CPSF3: variants seen among roughly 807,000 people sequenced by gnomAD.
CPSF3 encodes the protein cleavage and polyadenylation specificity factor subunit 3.
In CPSF3, 57 loss-of-function variants were observed where a neutral mutation model predicts 84.1. The observed-to-expected ratio is 0.68, with a 90% CI of 0.55 to 0.85. The LOEUF is 0.85. Among genes scored for constraint, CPSF3 ranks in the 40% least tolerant of loss-of-function variants. CPSF3 has a pLI of 0.00. For missense variants in CPSF3, 522 were observed against 838.8 expected (o/e 0.62, Z 4.66); for synonymous variants, 275 against 278.1 (o/e 0.99, Z 0.11).
chr2:9,461,743 CTT>C (rs530424404), intron 15 of CPSF3, among the ~76,000 whole-genome samples: 31,113 of 105,256 alleles, frequency 0.3, 4,831 homozygotes, highest in Non-Finnish European at 0.39. Flanking sequence ...GAAGGAGGAT[CTT>C]TTTTTTTTTT....
At chr2:9,427,717 C>T (rs1218930480) in intron 1 of CPSF3, among the ~76,000 whole-genome samples, 1 of 152,056 alleles carries the variant, frequency 6.6e-6, no homozygotes, top group Non-Finnish European at 1.5e-5. Flanking sequence ...ATGTCCTAGG[C>T]ACTTAATCCA....
At chr2:9,433,527 G>C (rs969600704) in intron 5 of CPSF3, among the ~76,000 whole-genome samples, 2 of 152,156 alleles carry the variant, frequency 1.3e-5, no homozygotes, top group Non-Finnish European at 2.9e-5. Flanking sequence ...TTTATCTCCG[G>C]TTTTAGACCA....
chr2:9,444,093 A>C (rs1681043500), intron 10 of CPSF3, among the ~76,000 whole-genome samples: 1 of 150,640 alleles, frequency 6.6e-6, no homozygotes, highest in Non-Finnish European at 1.5e-5. Context: ...ACATATCTAA[A>C]GCACTTAATA....
intron 8 of CPSF3, 50 bp downstream of exon 8, chr2:9,440,716 TTAG>T: frequency 1.9e-6 from 3 of 1,589,028 alleles, no homozygotes; most frequent in Non-Finnish European, 2.6e-6. Flanking sequence ...AAATCAGTCA[TTAG>T]TAGTAGGAGG....
intron 12 of CPSF3, among the ~76,000 whole-genome samples, chr2:9,455,135 C>CTTT (rs5829212): frequency 1.5e-5 from 2 of 135,538 alleles, no homozygotes; most frequent in African/African-American, 2.7e-5. Flanking sequence ...ACATGAGGTG[C>CTTT]TTTTTTTTTT....
chr2:9,449,982 A>G (rs1456522144), intron 11 of CPSF3, among the ~76,000 whole-genome samples: 1 of 151,924 alleles, frequency 6.6e-6, no homozygotes, highest in Non-Finnish European at 1.5e-5. Flanking sequence ...TTGAAGAGAT[A>G]TGTGCAACTC....
chr2:9,461,572 AG>A (rs780621689), intron 15 of CPSF3, among the ~76,000 whole-genome samples: 42 of 151,746 alleles, frequency 2.8e-4, no homozygotes, highest in Non-Finnish European at 4.3e-4. Context: ...CAGGAGGCTG[AG>A]GGGCGAAAAT....
chr2:9,437,065 T>C (rs1427527149), intron 7 of CPSF3, among the ~76,000 whole-genome samples: 2 of 152,178 alleles, frequency 1.3e-5, no homozygotes, highest in Non-Finnish European at 2.9e-5. Flanking sequence ...TTACATACTT[T>C]GCACATAATA....
intron 16 of CPSF3, among the ~76,000 whole-genome samples, chr2:9,470,066 T>C (rs991111269): frequency 4.6e-5 from 7 of 151,856 alleles, no homozygotes; most frequent in African/African-American, 1.5e-4. Context: ...CTACTAAAAA[T>C]ACAAAAATGA....
At position 9,459,543 on chromosome 2, in the gene CPSF3, C is replaced by A; in HGVS notation, c.1711C>A (p.Pro571Thr). 3.1e-6 allele frequency: 5 copies of A among 1,611,924 alleles called. No homozygotes were observed. Among genetic ancestry groups the A allele is most frequent in the Non-Finnish European group, 4.2e-6 (5 of 1,178,596 alleles). ...TTTTGCTTTCCAGTGGCTGGCAAAC[C>A]CTTCTAATGATATGTATGCAGATAC... The part of the protein sequence containing the change: ...GMVVLEWLAN[P>T]SNDMYADTVT... The change falls in exon 15 of 18, where the codon CCT becomes ACT. Residue 571 changes from proline (P) to threonine (T), a missense_variant. Coordinates refer to ENST00000238112, the MANE Select transcript of CPSF3 (RefSeq NM_016207.4).
At chr2:9,440,795 C>T in intron 8 of CPSF3, 129 bp downstream of exon 8, 1 of 840,122 alleles carries the variant, frequency 1.2e-6, no homozygotes, top group Admixed American at 2.4e-5. Flanking sequence ...GCAGGAGGAT[C>T]ACTAGAACTC....
intron 8 of CPSF3, among the ~76,000 whole-genome samples, chr2:9,440,908 C>T (rs746995821): frequency 1.3e-5 from 2 of 152,222 alleles, no homozygotes; most frequent in Non-Finnish European, 2.9e-5. Flanking sequence ...CTGAATTCCT[C>T]TTGCTGGAGT....
At chr2:9,468,200 TTAAAC>T (rs1401588386) in intron 16 of CPSF3, among the ~76,000 whole-genome samples, 8 of 152,218 alleles carry the variant, frequency 5.3e-5, no homozygotes, top group Non-Finnish European at 7.3e-5. Flanking sequence ...TGAATTAACT[TTAAAC>T]TAAGTATTTC....
intron 11 of CPSF3, among the ~76,000 whole-genome samples, chr2:9,452,264 G>C (rs1681358212): frequency 6.6e-6 from 1 of 151,300 alleles, no homozygotes; most frequent in Non-Finnish European, 1.5e-5. Context: ...GGGAGGCAGA[G>C]GTTGCAGTGA....
chr2:9,447,625 A>C (rs1572786789), intron 10 of CPSF3, among the ~76,000 whole-genome samples: 1 of 152,000 alleles, frequency 6.6e-6, no homozygotes, highest in African/African-American at 2.4e-5. Context: ...AATACAAAAA[A>C]TTAGCCAGGC....
At chr2:9,472,054 C>G (rs2124879427) in intron 17 of CPSF3, among the ~76,000 whole-genome samples, 1 of 148,020 alleles carries the variant, frequency 6.8e-6, no homozygotes, top group South Asian at 2.1e-4. Flanking sequence ...TGGTTCACGC[C>G]TGTAATCCCA....
intron 1 of CPSF3, among the ~76,000 whole-genome samples, chr2:9,428,299 T>A (rs1326622881): frequency 6.6e-6 from 1 of 152,086 alleles, no homozygotes; most frequent in Non-Finnish European, 1.5e-5. Context: ...ACCCGGCCAT[T>A]TAAATTTAAG....
Position 9,455,742 on chromosome 2 carries a change from C to T in CPSF3, c.1588C>T (p.Leu530=). The change falls in exon 13 of 18, where the codon CTG becomes TTG. Residue 530 remains leucine, a synonymous_variant. Coordinates refer to ENST00000238112, the MANE Select transcript of CPSF3 (RefSeq NM_016207.4). The part of the protein sequence containing the change: ...TGPFNLLCYQ[L]QKLTGDVEEL... ...TCCCTTTAATTTGCTCTGTTACCAG[C>T]TGCAGAAATTGACAGGTGTGTGTGT... The T allele has an allele frequency of 6.2e-7, 1 of 1,613,072 alleles. No homozygotes were observed. The highest frequency in any genetic ancestry group is 2.2e-5 in the East Asian group (1 of 44,864).
intron 17 of CPSF3, among the ~76,000 whole-genome samples, chr2:9,471,711 A>C (rs1682171625): frequency 6.6e-6 from 1 of 150,880 alleles, no homozygotes; most frequent in Non-Finnish European, 1.5e-5. Context: ...TCCCTTCTCT[A>C]GTTTGGCATC....
Sources: gnomAD v4.1 joint callset for allele counts (sites outside exome capture counted in the v4.1 genomes callset) on GRCh38, gnomAD v4.1.1 for gene constraint, MANE v1.5 for transcripts, NCBI Gene and HGNC (gene_info 2026-07-23, HGNC 2026-07-21) for gene names.